The following LRP1B variants were observed in gnomAD, a reference collection of about 807,000 sequenced individuals.
LRP1B encodes the protein low-density lipoprotein receptor-related protein 1B.
A neutral mutation model predicts 556.6 loss-of-function variants in LRP1B; 217 were observed. The observed-to-expected ratio is 0.39, with a 90% CI of 0.35 to 0.44. The LOEUF is 0.44. Ranked by LOEUF, LRP1B falls within the 20% of genes least tolerant of loss-of-function variation. The pLI, the probability that LRP1B is intolerant of heterozygous loss-of-function variation, is 1.00. For synonymous variants in LRP1B, 2,047 were observed against 1,865.8 expected, an observed-to-expected ratio of 1.10 and a Z score of -2.50; for missense variants, 5,053 against 5,620.8, an observed-to-expected ratio of 0.90 and a Z score of 3.23.
chr2:141,292,846 G>A (rs1038339114), intron 3 of LRP1B, among the ~76,000 whole-genome samples: 5 of 152,090 alleles, frequency 3.3e-5, no homozygotes, highest in South Asian at 4.1e-4. Flanking sequence ...TGAGATCCTG[G>A]AACAGATAAA....
At chr2:141,753,884 T>A (rs1475775727) in intron 2 of LRP1B, among the ~76,000 whole-genome samples, 1 of 152,176 alleles carries the variant, frequency 6.6e-6, no homozygotes, top group Non-Finnish European at 1.5e-5. Flanking sequence ...GAATTTCAGG[T>A]ACCGTGTCCA....
intron 2 of LRP1B, among the ~76,000 whole-genome samples, chr2:141,613,057 C>T (rs1688165182): frequency 6.6e-6 from 1 of 152,018 alleles, no homozygotes; most frequent in African/African-American, 2.4e-5. Flanking sequence ...GATCCACCTG[C>T]TCAGCCTCCC....
At chr2:141,086,583 C>A (rs946976033) in intron 7 of LRP1B, among the ~76,000 whole-genome samples, 1 of 150,882 alleles carries the variant, frequency 6.6e-6, no homozygotes, top group South Asian at 2.1e-4. Flanking sequence ...CTGAATTGAA[C>A]TAATGAGGAT....
At chr2:140,386,794 A>G (rs1226562744) in intron 66 of LRP1B, among the ~76,000 whole-genome samples, 2 of 152,216 alleles carry the variant, frequency 1.3e-5, no homozygotes, top group Non-Finnish European at 2.9e-5. Flanking sequence ...TATATCAGCC[A>G]GAATCAGAAT....
At chr2:140,308,432 T>G (rs1684156331) in intron 83 of LRP1B, among the ~76,000 whole-genome samples, 1 of 151,828 alleles carries the variant, frequency 6.6e-6, no homozygotes, top group Non-Finnish European at 1.5e-5. Context: ...TGTGACATAG[T>G]GACCGATTAT....
At chr2:140,939,025 T>G (rs972401653) in intron 20 of LRP1B, among the ~76,000 whole-genome samples, 1 of 151,908 alleles carries the variant, frequency 6.6e-6, no homozygotes, top group Non-Finnish European at 1.5e-5. Context: ...ACTAAGAAAA[T>G]GTACAAACTC....
rs1687722877 is a variant in LRP1B, at chr2:140,470,616, G to T, written c.9625+4522C>A. Among the ~76,000 whole-genome samples the T allele has an allele frequency of 2.3e-5, 3 of 130,038 alleles. No homozygotes were observed. The Admixed American group carries it at 2.8e-4, about 12-fold the overall frequency. The allele number at this position is 130,038 out of a possible 152,430, so 85.3% of individuals were successfully genotyped here. On this transcript the variant is annotated intron_variant, in intron 60 of 90. Coordinates refer to ENST00000389484, the MANE Select transcript of LRP1B (RefSeq NM_018557.3). ...GCCAAGATAGCGCCACTGCAGTCTGGCCTGGGTGAAAGAGGGAGACTCTGT... is the reference window on the plus strand; with the variant it reads ...GCCAAGATAGCGCCACTGCAGTCTGTCCTGGGTGAAAGAGGGAGACTCTGT...
chr2:140,467,602 A>G (rs78563246), intron 60 of LRP1B, among the ~76,000 whole-genome samples: 8,782 of 144,302 alleles, frequency 0.061, 346 homozygotes, highest in African/African-American at 0.076. Context: ...GACAGAGGGA[A>G]ACTCCATCTC....
chr2:141,238,258 T>C (rs1333517976), intron 5 of LRP1B, among the ~76,000 whole-genome samples: 2 of 152,128 alleles, frequency 1.3e-5, no homozygotes, highest in African/African-American at 4.8e-5. Flanking sequence ...GAAAATACTT[T>C]AGCTACAGAA....
intron 35 of LRP1B, among the ~76,000 whole-genome samples, chr2:140,746,049 ATGAGGC>A (rs1688302078): frequency 6.7e-6 from 1 of 148,428 alleles, no homozygotes; most frequent in Non-Finnish European, 1.5e-5. Flanking sequence ...AGGAATGAGG[ATGAGGC>A]CTATGACATA....
intron 20 of LRP1B, among the ~76,000 whole-genome samples, chr2:140,934,442 A>C (rs985452746): frequency 1.3e-5 from 2 of 152,172 alleles, no homozygotes; most frequent in African/African-American, 4.8e-5. Flanking sequence ...TTGCACTAGC[A>C]GGATCTTTCT....
chr2:141,853,612 T>A (rs1032204961), intron 1 of LRP1B, among the ~76,000 whole-genome samples: 1 of 151,808 alleles, frequency 6.6e-6, no homozygotes, highest in African/African-American at 2.4e-5. Flanking sequence ...TAATTAAGGG[T>A]GCCAATGCGG....
At chr2:142,017,676 G>C (rs1260529905) in intron 1 of LRP1B, among the ~76,000 whole-genome samples, 3 of 151,830 alleles carry the variant, frequency 2.0e-5, no homozygotes, top group Admixed American at 6.6e-5. Context: ...AGAGTTTTGA[G>C]ACCAGCCCAA....
At chr2:141,419,266 C>G (rs578095833) in intron 3 of LRP1B, among the ~76,000 whole-genome samples, 1 of 151,950 alleles carries the variant, frequency 6.6e-6, no homozygotes, top group Non-Finnish European at 1.5e-5. Context: ...TCTTGTGATG[C>G]CTTTTCCTGT....
intron 32 of LRP1B, among the ~76,000 whole-genome samples, chr2:140,784,411 C>CACACACACACACACACACACAT (rs777213091): frequency 2.0e-5 from 3 of 149,986 alleles, no homozygotes; most frequent in Non-Finnish European, 4.5e-5. Context: ...CACACACACA[C>CACACACACACACACACACACAT]ACACACACAC....
intron 19 of LRP1B, 126 bp from the exon 20 acceptor site, chr2:140,950,528 A>G: frequency 5.9e-6 from 4 of 681,386 alleles, no homozygotes; most frequent in Non-Finnish European, 9.5e-6. Flanking sequence ...CTGTCACCCA[A>G]CCTGTAGTGC....
intron 75 of LRP1B, among the ~76,000 whole-genome samples, chr2:140,355,717 A>G (rs913744831): frequency 6.6e-6 from 1 of 151,942 alleles, no homozygotes; most frequent in African/African-American, 2.4e-5. Context: ...TTTATTGGAG[A>G]AACTTGCAGA....
At chr2:140,386,145 T>C (rs1456456317) in intron 66 of LRP1B, 136 bp from the exon 67 acceptor site, 2 of 646,782 alleles carry the variant, frequency 3.1e-6, no homozygotes, top group South Asian at 2.1e-5. Context: ...TTAGGAAAAA[T>C]TGAAGGCAAG....
intron 41 of LRP1B, among the ~76,000 whole-genome samples, chr2:140,694,931 T>TG (rs1686374347): frequency 6.6e-6 from 1 of 152,082 alleles, no homozygotes; most frequent in Non-Finnish European, 1.5e-5. Flanking sequence ...TTTAACAAAT[T>TG]TTTTTCTTAC....
Sources: gnomAD v4.1 joint callset for allele counts (sites outside exome capture counted in the v4.1 genomes callset) on GRCh38, gnomAD v4.1.1 for gene constraint, MANE v1.5 for transcripts, NCBI Gene and HGNC (gene_info 2026-07-23, HGNC 2026-07-21) for gene names.